The following PIBF1 variants were observed in gnomAD, a reference collection of about 807,000 sequenced individuals.
PIBF1 encodes progesterone immunomodulatory binding factor 1.
PIBF1 carries 90 observed loss-of-function variants against 112.5 expected under a neutral mutation model. That is an observed-to-expected ratio of 0.80 (90% CI 0.67 to 0.95). PIBF1 has a LOEUF of 0.95. PIBF1 is among the 40% of genes least tolerant of loss of function. PIBF1 has a pLI of 0.00. For missense variants in PIBF1, 915 were observed against 852.3 expected (o/e 1.07, Z -0.92); for synonymous variants, 301 against 288.6 (o/e 1.04, Z -0.44).
intron 13 of PIBF1, 60 bp from the exon 14 acceptor site, chr13:72,931,105 T>C (rs2041682413): frequency 2.1e-6 from 2 of 932,366 alleles, no homozygotes; most frequent in Non-Finnish European, 1.7e-6. Context: ...CAAACACATT[T>C]TGAATATTTT....
At chr13:72,955,242 T>A (rs1018699836) in intron 14 of PIBF1, among the ~76,000 whole-genome samples, 1 of 152,174 alleles carries the variant, frequency 6.6e-6, no homozygotes, top group African/African-American at 2.4e-5. Flanking sequence ...AAGTGCTTAA[T>A]CCAGGAAGTC....
At chr13:72,858,437 C>T (rs1192220254) in intron 10 of PIBF1, among the ~76,000 whole-genome samples, 1 of 152,114 alleles carries the variant, frequency 6.6e-6, no homozygotes, top group African/African-American at 2.4e-5. Flanking sequence ...ATATATACCA[C>T]CTTATTTACT....
At chr13:73,004,573 T>G (rs1328533155) in intron 17 of PIBF1, among the ~76,000 whole-genome samples, 2 of 152,224 alleles carry the variant, frequency 1.3e-5, no homozygotes, top group Non-Finnish European at 2.9e-5. Flanking sequence ...TGTTGAAGAA[T>G]AGGATGTCTA....
chr13:72,821,974 A>G lies in PIBF1; in HGVS notation c.798A>G (p.Lys266=). Residue 266 remains lysine, a synonymous_variant, in exon 6 of 18, where the codon AAA becomes AAG. Coordinates refer to ENST00000326291, the MANE Select transcript of PIBF1 (RefSeq NM_006346.4). The part of the protein sequence containing the change: ...QGDYRQENYD[K]VKSERDALEQ... ...ACTACCGTCAAGAGAACTATGATAA[A>G]GTCAAGAGGTAAGTAGTTAAAATGG... 6.2e-7 allele frequency: 1 copy of G among 1,610,478 alleles called. No homozygotes were observed. Among genetic ancestry groups the G allele is most frequent in the Non-Finnish European group, 8.5e-7 (1 of 1,178,446 alleles).
chr13:72,856,637 C>G (rs984963132), intron 10 of PIBF1, among the ~76,000 whole-genome samples: 3 of 152,022 alleles, frequency 2.0e-5, no homozygotes, highest in Non-Finnish European at 4.4e-5. Flanking sequence ...TCAAAATAAG[C>G]TTAGGCTTTA....
intron 15 of PIBF1, among the ~76,000 whole-genome samples, chr13:72,967,602 A>G (rs2042776234): frequency 6.6e-6 from 1 of 152,158 alleles, no homozygotes; most frequent in Non-Finnish European, 1.5e-5. Context: ...ATAAGGGATA[A>G]TATTTCTTTA....
intron 8 of PIBF1, among the ~76,000 whole-genome samples, chr13:72,834,524 G>T (rs935214967): frequency 1.3e-5 from 2 of 152,166 alleles, no homozygotes; most frequent in Non-Finnish European, 2.9e-5. Flanking sequence ...CTACTCAGGA[G>T]GCTGGGGCAG....
At chr13:72,932,220 G>C (rs976029502) in intron 14 of PIBF1, among the ~76,000 whole-genome samples, 1 of 151,978 alleles carries the variant, frequency 6.6e-6, no homozygotes, top group Non-Finnish European at 1.5e-5. Flanking sequence ...ACTGGGATTG[G>C]AGATGTGCCA....
intron 11 of PIBF1, among the ~76,000 whole-genome samples, chr13:72,894,663 G>A (rs2138576390): frequency 6.6e-6 from 1 of 150,786 alleles, no homozygotes. Context: ...TGAATATTTA[G>A]AGAAAATAGT....
chr13:73,009,778 A>G (rs548231888), intron 17 of PIBF1, among the ~76,000 whole-genome samples: 1 of 152,346 alleles, frequency 6.6e-6, no homozygotes, highest in Admixed American at 6.5e-5. Context: ...AATCCCCAAG[A>G]CAAGGTACAC....
intron 9 of PIBF1, among the ~76,000 whole-genome samples, chr13:72,852,128 G>A (rs747142574): frequency 5.9e-5 from 9 of 152,188 alleles, no homozygotes; most frequent in African/African-American, 9.7e-5. Flanking sequence ...TGAAAGAGCT[G>A]TAACACAAAA....
intron 10 of PIBF1, among the ~76,000 whole-genome samples, chr13:72,867,153 C>G (rs990515645): frequency 6.6e-6 from 1 of 152,162 alleles, no homozygotes; most frequent in African/African-American, 2.4e-5. Flanking sequence ...CTTTCCCATG[C>G]TGTTCTTGTG....
chr13:72,883,469 G>C (rs1012627778), intron 10 of PIBF1, among the ~76,000 whole-genome samples: 2 of 152,090 alleles, frequency 1.3e-5, no homozygotes, highest in African/African-American at 4.8e-5. Context: ...TTTTTAGACA[G>C]AGTCTCTCTC....
intron 14 of PIBF1, among the ~76,000 whole-genome samples, chr13:72,948,100 T>A (rs1193807798): frequency 6.6e-6 from 1 of 151,340 alleles, no homozygotes; most frequent in Non-Finnish European, 1.5e-5. Context: ...CTAGGGGAGG[T>A]ATAGCATTAG....
intron 5 of PIBF1, among the ~76,000 whole-genome samples, chr13:72,808,377 A>G (rs2035841332): frequency 6.6e-6 from 1 of 152,182 alleles, no homozygotes; most frequent in African/African-American, 2.4e-5. Flanking sequence ...TCTTTTAGAA[A>G]TGGGTCACAT....
chr13:72,787,548 A>G (rs901500448), intron 2 of PIBF1, among the ~76,000 whole-genome samples: 9 of 152,222 alleles, frequency 5.9e-5, no homozygotes, highest in African/African-American at 1.9e-4. Flanking sequence ...AGCCTGATGG[A>G]TCTGGTAACA....
chr13:73,013,121 G>A (rs2044256140), intron 17 of PIBF1, among the ~76,000 whole-genome samples: 2 of 151,518 alleles, frequency 1.3e-5, no homozygotes, highest in African/African-American at 4.8e-5. Context: ...CTAACACGGT[G>A]AAACCCCGTC....
At chr13:72,860,763 G>A (rs1594073055) in intron 10 of PIBF1, among the ~76,000 whole-genome samples, 1 of 152,064 alleles carries the variant, frequency 6.6e-6, no homozygotes, top group Non-Finnish European at 1.5e-5. Flanking sequence ...TTTTTCAAAC[G>A]AGTGAAAATG....
rs1406359456 is a variant in PIBF1, at chr13:72,784,898, A to G, written c.252+1177A>G. Among the ~76,000 whole-genome samples, 3 of 152,154 alleles carry G rather than the reference A, an allele frequency of 2.0e-5. No homozygotes were observed. The East Asian group carries it at 5.8e-4, about 29-fold the overall frequency. ...GTTTTTTGTTGTTGTTGTTGGAGAC[A>G]GTCTTGCTCTGTCACCCAGGCTGGA... On this transcript the variant is annotated intron_variant, in intron 2 of 17. Coordinates refer to ENST00000326291, the MANE Select transcript of PIBF1 (RefSeq NM_006346.4).
Sources: gnomAD v4.1 joint callset for allele counts (sites outside exome capture counted in the v4.1 genomes callset) on GRCh38, gnomAD v4.1.1 for gene constraint, MANE v1.5 for transcripts, NCBI Gene and HGNC (gene_info 2026-07-23, HGNC 2026-07-21) for gene names.